The following COBL variants were observed in gnomAD, a reference collection of about 807,000 sequenced individuals.
The protein encoded by COBL is protein cordon-bleu.
COBL carries 51 observed loss-of-function variants against 98.8 expected under a neutral mutation model. The observed-to-expected ratio is 0.52, with a 90% CI of 0.41 to 0.65. The LOEUF is 0.65. COBL is among the 30% of genes least tolerant of loss of function. The pLI, the probability that COBL is intolerant of heterozygous loss-of-function variation, is 0.00. For synonymous variants in COBL, 634 were observed against 651.7 expected (o/e 0.97, Z 0.41); for missense variants, 1,617 against 1,617.5 (o/e 1.00, Z 0.01).
chr7:51,131,404 T>G (rs2129001356), intron 6 of COBL, among the ~76,000 whole-genome samples: 1 of 152,262 alleles, frequency 6.6e-6, no homozygotes, highest in African/African-American at 2.4e-5. Context: ...ATTAGTAAAC[T>G]TCCACAAGTT....
At chr7:51,150,891 C>T (rs1038087158) in intron 5 of COBL, among the ~76,000 whole-genome samples, 3 of 152,146 alleles carry the variant, frequency 2.0e-5, no homozygotes, top group South Asian at 2.1e-4. Context: ...TATGGGCCCA[C>T]GCTTAAACTC....
chr7:51,126,582 C>G (rs1284107743), intron 6 of COBL, among the ~76,000 whole-genome samples: 2 of 152,156 alleles, frequency 1.3e-5, no homozygotes, highest in African/African-American at 4.8e-5. Flanking sequence ...CAGCCTTGGA[C>G]TGAGGTACAT....
intron 1 of COBL, among the ~76,000 whole-genome samples, chr7:51,227,107 G>C (rs1231575414): frequency 6.6e-6 from 1 of 152,150 alleles, no homozygotes; most frequent in African/African-American, 2.4e-5. Context: ...ATACTAGAAC[G>C]CTGGTGCCCT....
intron 1 of COBL, among the ~76,000 whole-genome samples, chr7:51,235,479 G>A (rs527896592): frequency 2.0e-5 from 3 of 152,106 alleles, no homozygotes; most frequent in African/African-American, 7.2e-5. Flanking sequence ...TGAACAACCA[G>A]ATACAAAACT....
At chr7:51,301,103 C>T (rs536805094) in intron 1 of COBL, among the ~76,000 whole-genome samples, 1 of 152,246 alleles carries the variant, frequency 6.6e-6, no homozygotes, top group South Asian at 2.1e-4. Flanking sequence ...GTGGGATACA[C>T]GCACCGCGCA....
chr7:51,307,494 A>G (rs184481031), intron 1 of COBL, among the ~76,000 whole-genome samples: 1 of 152,358 alleles, frequency 6.6e-6, no homozygotes, highest in African/African-American at 2.4e-5. Context: ...CAGCTAGACA[A>G]TGGCAACAGG....
At chr7:51,120,241 G>A (rs2128988399) in intron 6 of COBL, among the ~76,000 whole-genome samples, 1 of 152,278 alleles carries the variant, frequency 6.6e-6, no homozygotes, top group East Asian at 1.9e-4. Context: ...AATACATGGA[G>A]AGGGAGGGTA....
chr7:51,124,688 T>C (rs1466549678), intron 6 of COBL, among the ~76,000 whole-genome samples: 1 of 152,256 alleles, frequency 6.6e-6, no homozygotes, highest in Admixed American at 6.5e-5. Flanking sequence ...AATTCAGTGC[T>C]GAGTGCCTTC....
intron 2 of COBL, among the ~76,000 whole-genome samples, chr7:51,216,530 A>T (rs1379932282): frequency 5.9e-5 from 9 of 152,214 alleles, no homozygotes; most frequent in African/African-American, 2.2e-4. Flanking sequence ...TCTGTCCAGC[A>T]GCTGTGTGGG....
chr7:51,253,963 T>C (rs544977248), intron 1 of COBL, among the ~76,000 whole-genome samples: 2 of 152,358 alleles, frequency 1.3e-5, no homozygotes, highest in East Asian at 1.9e-4. Flanking sequence ...AAAACTTGTG[T>C]AGTTCAAAAT....
chr7:51,019,465 A>G (rs1417987903), intron 12 of COBL, among the ~76,000 whole-genome samples: 1 of 152,212 alleles, frequency 6.6e-6, no homozygotes, highest in Non-Finnish European at 1.5e-5. Context: ...TGGGAACCTA[A>G]TCTAGACTGA....
chr7:51,248,860 C>T lies in COBL; in HGVS notation c.42-28916G>A, dbSNP rs190542428. ...TTTAAGGAGAAAATTATTCAGTCATCCCCAAAGCTACAAAAGTACCTCAGA... is the reference window on the plus strand; with the variant it reads ...TTTAAGGAGAAAATTATTCAGTCATTCCCAAAGCTACAAAAGTACCTCAGA... On this transcript the variant is annotated intron_variant, in intron 1 of 12. Transcript: ENST00000265136. 3.7e-3 allele frequency among the ~76,000 whole-genome samples: 562 copies of T among 152,264 alleles called. 1 individual carries two copies. The highest frequency in any genetic ancestry group is 0.013 in the African/African-American group (544 of 41,552).
rs199755175 is a variant in COBL at position 51,028,703 on chromosome 7, G to C, written c.2393C>G (p.Thr798Arg). 58 of 1,613,748 alleles carry C rather than the reference G, an allele frequency of 3.6e-5. No individual in the cohort carries two copies. In the East Asian group the frequency reaches 8.9e-4, roughly 25 times the overall value. The change falls in exon 10 of 13, where the codon ACG becomes AGG. Residue 798 changes from threonine to arginine, a missense_variant. Physicochemically the swap from Thr to Arg is moderately conservative, Grantham distance 71. This residue lies in a region of COBL where 1,304 missense variants were observed against 1,282.0 expected (regional missense o/e 1.02). Coordinates refer to ENST00000265136, the MANE Select transcript of COBL (RefSeq NM_015198.5). ...ARGPPSTPVP[T>R]QTQNPESRLQ... ...TCTGCTCTCTGGATTCTGCGTCTGC[G>C]TGGGCACAGGGGTGGAGGGGGGTCC... is the stretch of plus-strand genomic sequence containing the variant.
intron 6 of COBL, 84 bp downstream of exon 6, chr7:51,136,074 T>C (rs1799206790): frequency 2.0e-6 from 3 of 1,498,378 alleles, no homozygotes; most frequent in South Asian, 2.7e-5. Context: ...ACATGAAGGA[T>C]TACTGTGTTC....
At chr7:51,174,977 G>C (rs1039601758) in intron 5 of COBL, among the ~76,000 whole-genome samples, 5 of 152,120 alleles carry the variant, frequency 3.3e-5, no homozygotes, top group Non-Finnish European at 7.4e-5. Flanking sequence ...CCCAGCTCTT[G>C]GTACCAGCAA....
intron 1 of COBL, among the ~76,000 whole-genome samples, chr7:51,266,480 A>T (rs576356876): frequency 6.6e-6 from 1 of 152,312 alleles, no homozygotes; most frequent in Non-Finnish European, 1.5e-5. Flanking sequence ...CAAGAGGCTG[A>T]GGCAGGAGAA....
intron 1 of COBL, among the ~76,000 whole-genome samples, chr7:51,295,543 C>T (rs1323199896): frequency 6.6e-6 from 1 of 152,230 alleles, no homozygotes; most frequent in Non-Finnish European, 1.5e-5. Context: ...TCCTTTCAGA[C>T]TGTCACTGAC....
chr7:51,278,910 ACAC>A (rs1469792256), intron 1 of COBL, among the ~76,000 whole-genome samples: 3 of 152,364 alleles, frequency 2.0e-5, no homozygotes, highest in African/African-American at 7.2e-5. Flanking sequence ...ACTACAAAAC[ACAC>A]CCAGCACAAT....
chr7:51,236,042 G>A (rs569513494), intron 1 of COBL, among the ~76,000 whole-genome samples: 5 of 152,118 alleles, frequency 3.3e-5, no homozygotes, highest in Non-Finnish European at 5.9e-5. Flanking sequence ...CCCCTTTTAC[G>A]TAAGCAGGGG....
Sources: gnomAD v4.1 joint callset for allele counts (sites outside exome capture counted in the v4.1 genomes callset) on GRCh38, gnomAD v4.1.1 for gene constraint, gnomAD v4.1.1 regional missense constraint, MANE v1.5 for transcripts, NCBI Gene and HGNC (gene_info 2026-07-23, HGNC 2026-07-21) for gene names.